The following COX10 variants were observed in gnomAD, a reference collection of about 807,000 sequenced individuals.
COX10 encodes protoheme IX farnesyltransferase, mitochondrial.
Under a neutral mutation model 37.3 loss-of-function variants are expected in COX10, and 27 were observed. The ratio of observed to expected loss-of-function variants is 0.72; its 90% CI spans 0.53 to 1.00. COX10 has a LOEUF of 1.00. COX10 is among the 50% of genes least tolerant of loss of function. The pLI, the probability that COX10 is intolerant of heterozygous loss-of-function variation, is 0.00. For synonymous variants in COX10, 222 were observed against 229.1 expected, an observed-to-expected ratio of 0.97 and a Z score of 0.28; for missense variants, 475 against 563.2, an observed-to-expected ratio of 0.84 and a Z score of 1.59.
intron 4 of COX10, among the ~76,000 whole-genome samples, chr17:14,150,700 C>T (rs1904869026): frequency 6.6e-6 from 1 of 152,160 alleles, no homozygotes; most frequent in Admixed American, 6.5e-5. Context: ...AATCAGATAA[C>T]ACACTCAGTA....
chr17:14,168,408 G>T lies in COX10; in HGVS notation c.695+8461G>T, dbSNP rs191962921. 2.0e-4 allele frequency among the ~76,000 whole-genome samples: 31 copies of T among 152,316 alleles called. No individual in the cohort carries two copies. In the East Asian group the frequency reaches 5.8e-3, roughly 29 times the overall value. On this transcript the variant is annotated intron_variant, in intron 5 of 6. Coordinates refer to ENST00000261643, the MANE Select transcript of COX10 (RefSeq NM_001303.4). ...GTCAGTGGATCTACCATTCTGAGGTGTGGAGGATGGTAGCTGTCTTCTCAC... is the reference window on the plus strand; with the variant it reads ...GTCAGTGGATCTACCATTCTGAGGTTTGGAGGATGGTAGCTGTCTTCTCAC...
intron 5 of COX10, among the ~76,000 whole-genome samples, chr17:14,174,676 T>A (rs925625781): frequency 3.3e-5 from 5 of 152,112 alleles, no homozygotes; most frequent in Admixed American, 2.0e-4. Context: ...CCTGAAGCTC[T>A]CTTTTATTGC....
At chr17:14,112,304 A>G (rs767399118) in intron 4 of COX10, among the ~76,000 whole-genome samples, 1 of 152,154 alleles carries the variant, frequency 6.6e-6, no homozygotes, top group Non-Finnish European at 1.5e-5. Context: ...TCAAATGCAG[A>G]TTATTGATGT....
chr17:14,077,337 G>A (rs932768452), intron 3 of COX10: 5 of 392,464 alleles, frequency 1.3e-5, no homozygotes, highest in Non-Finnish European at 2.3e-5. Context: ...CTTGTCTTTA[G>A]TGTTTTTACA....
chr17:14,083,482 G>A (rs1597493887), intron 3 of COX10, among the ~76,000 whole-genome samples: 1 of 152,154 alleles, frequency 6.6e-6, no homozygotes, highest in African/African-American at 2.4e-5. Context: ...CACTTTCATA[G>A]AACTAGCCTT....
At position 14,074,530 on chromosome 17, in the gene COX10, A is replaced by G. The variant is rs977225626; in HGVS notation, c.177+74A>G. 1.2e-5 allele frequency: 17 copies of G among 1,390,962 alleles called. No individual in the cohort carries two copies. In the African/African-American group the frequency reaches 1.6e-4, roughly 13 times the overall value. The allele number at this position is 1,390,962 out of a possible 1,614,324, so 86.2% of individuals were successfully genotyped here. A position where few individuals can be genotyped will look rare whatever the true frequency, so the allele number is the denominator to read the frequency against. On this transcript the variant is annotated intron_variant, in intron 2 of 6. Coordinates refer to ENST00000261643, the MANE Select transcript of COX10 (RefSeq NM_001303.4). Reference sequence around the variant, plus strand: ...TGTTGAGAGAATTTCAGAAATTCCTATTTAATTAAAGTTTTAAGAAATACT... The same window carrying G: ...TGTTGAGAGAATTTCAGAAATTCCTGTTTAATTAAAGTTTTAAGAAATACT...
At chr17:14,089,544 A>G (rs1430137520) in intron 3 of COX10, among the ~76,000 whole-genome samples, 2 of 152,220 alleles carry the variant, frequency 1.3e-5, no homozygotes, top group Non-Finnish European at 2.9e-5. Context: ...CCAGAAAGCA[A>G]ACCAGGTGGC....
chr17:14,124,325 T>G (rs1034098992), intron 4 of COX10, among the ~76,000 whole-genome samples: 5 of 152,176 alleles, frequency 3.3e-5, no homozygotes, highest in Non-Finnish European at 7.3e-5. Flanking sequence ...TTATCAAAGA[T>G]AGGGAAGTAG....
intron 4 of COX10, among the ~76,000 whole-genome samples, chr17:14,140,428 A>G (rs941500655): frequency 1.3e-5 from 2 of 152,074 alleles, no homozygotes; most frequent in Non-Finnish European, 2.9e-5. Context: ...ATTTCTTCCA[A>G]TCATACCTGT....
intron 3 of COX10, among the ~76,000 whole-genome samples, chr17:14,083,041 A>G (rs754042883): frequency 2.0e-5 from 3 of 152,224 alleles, no homozygotes; most frequent in Admixed American, 6.5e-5. Context: ...GCAGCAGGAA[A>G]AGCCGACTGG....
At chr17:14,098,442 G>A (rs961293721) in intron 3 of COX10, among the ~76,000 whole-genome samples, 1 of 152,096 alleles carries the variant, frequency 6.6e-6, no homozygotes, top group African/African-American at 2.4e-5. Flanking sequence ...TAACCAGTCT[G>A]GAGAGCTCTT....
intron 4 of COX10, among the ~76,000 whole-genome samples, chr17:14,133,947 T>C (rs1229824474): frequency 6.6e-6 from 1 of 151,656 alleles, no homozygotes; most frequent in African/African-American, 2.4e-5. Context: ...TTGTTTAATA[T>C]AATAGATGAT....
chr17:14,073,241 G>C (rs1915068818), intron 1 of COX10, among the ~76,000 whole-genome samples: 1 of 152,210 alleles, frequency 6.6e-6, no homozygotes, highest in South Asian at 2.1e-4. Flanking sequence ...CCAAATGTAA[G>C]ATGATGAATG....
intron 5 of COX10, among the ~76,000 whole-genome samples, chr17:14,187,806 A>G (rs1906078367): frequency 6.6e-6 from 1 of 152,216 alleles, no homozygotes; most frequent in African/African-American, 2.4e-5. Context: ...AGGTGCCTGG[A>G]TGCTGAGAGT....
intron 5 of COX10, among the ~76,000 whole-genome samples, chr17:14,172,773 G>A (rs973750650): frequency 4.0e-5 from 6 of 151,598 alleles, no homozygotes; most frequent in African/African-American, 1.5e-4. Context: ...GGCCGGTTTC[G>A]AACTCCTGGG....
chr17:14,163,745 CTG>C (rs1905218670), intron 5 of COX10, among the ~76,000 whole-genome samples: 1 of 152,190 alleles, frequency 6.6e-6, no homozygotes, highest in African/African-American at 2.4e-5. Context: ...GAAAGTCGGC[CTG>C]CTCTAATGGA....
intron 3 of COX10, among the ~76,000 whole-genome samples, chr17:14,090,567 T>C (rs1204910130): frequency 6.6e-6 from 1 of 152,202 alleles, no homozygotes. Flanking sequence ...ATAGTTACTC[T>C]GAGATATTTT....
At chr17:14,174,486 G>A (rs1195452297) in intron 5 of COX10, among the ~76,000 whole-genome samples, 2 of 145,474 alleles carry the variant, frequency 1.4e-5, no homozygotes, top group Non-Finnish European at 3.0e-5. Context: ...GTGCGTGAAA[G>A]ATTTAAATAG....
chr17:14,101,580 G>A (rs1163596856), intron 3 of COX10, among the ~76,000 whole-genome samples: 9 of 152,112 alleles, frequency 5.9e-5, no homozygotes, highest in Admixed American at 3.3e-4. Context: ...TCCTGCTGGT[G>A]GCTTGTAGGA....
Sources: gnomAD v4.1 joint callset for allele counts (sites outside exome capture counted in the v4.1 genomes callset) on GRCh38, gnomAD v4.1.1 for gene constraint, MANE v1.5 for transcripts, NCBI Gene and HGNC (gene_info 2026-07-23, HGNC 2026-07-21) for gene names.